The following ADARB2 variants were observed in gnomAD, a reference collection of about 807,000 sequenced individuals.
The protein encoded by ADARB2 is inactive double-stranded RNA-specific editase B2.
Under a neutral mutation model 62.2 loss-of-function variants are expected in ADARB2, and 25 were observed. The ratio of observed to expected loss-of-function variants is 0.40; its 90% CI spans 0.29 to 0.56. The LOEUF is 0.56. ADARB2 is among the 20% of genes least tolerant of loss of function. The pLI is 0.43. For missense variants in ADARB2, 1,071 were observed against 1,077.4 expected, an observed-to-expected ratio of 0.99 and a Z score of 0.08; for synonymous variants, 572 against 500.8, an observed-to-expected ratio of 1.14 and a Z score of -1.90.
intron 1 of ADARB2, among the ~76,000 whole-genome samples, chr10:1,547,272 T>C (rs1470278425): frequency 2.1e-5 from 1 of 46,832 alleles, no homozygotes; most frequent in Non-Finnish European, 4.3e-5. Flanking sequence ...GTATGCACTG[T>C]GGGGAGGGGG....
At chr10:1,331,878 T>C (rs748640865) in intron 3 of ADARB2, among the ~76,000 whole-genome samples, 1 of 152,218 alleles carries the variant, frequency 6.6e-6, no homozygotes, top group Non-Finnish European at 1.5e-5. Flanking sequence ...TCTGGACCCA[T>C]GTATTTGGAA....
intron 1 of ADARB2, among the ~76,000 whole-genome samples, chr10:1,514,161 G>A (rs993029173): frequency 1.5e-5 from 1 of 65,644 alleles, no homozygotes; most frequent in South Asian, 5.6e-4. Context: ...GGGTGACAGT[G>A]TGAGACGCTG....
intron 1 of ADARB2, chr10:1,556,560 C>T (rs1332771510): frequency 1.2e-5 from 5 of 405,386 alleles, no homozygotes; most frequent in Non-Finnish European, 2.6e-5. Flanking sequence ...GATTTCGACT[C>T]CATGGTCTGG....
intron 6 of ADARB2, among the ~76,000 whole-genome samples, chr10:1,221,745 A>G (rs12767676): frequency 0.34 from 51,581 of 151,860 alleles, 8,972 homozygotes; most frequent in South Asian, 0.47. Context: ...AAGGACATGA[A>G]CTCATCTTTT....
At chr10:1,324,884 C>T (rs2651490) in intron 3 of ADARB2, among the ~76,000 whole-genome samples, 70,724 of 151,930 alleles carry the variant, frequency 0.47, 17,360 homozygotes, top group African/African-American at 0.63. Flanking sequence ...ACTGGGGAAA[C>T]GTGAGCGAGC....
At chr10:1,280,959 C>T (rs909055989) in intron 3 of ADARB2, among the ~76,000 whole-genome samples, 5 of 152,312 alleles carry the variant, frequency 3.3e-5, no homozygotes, top group African/African-American at 7.2e-5. Flanking sequence ...ATTTATAGTG[C>T]GCCACTGGCT....
intron 1 of ADARB2, among the ~76,000 whole-genome samples, chr10:1,544,018 CAA>C (rs777877743): frequency 0.41 from 43,662 of 107,554 alleles, 7,627 homozygotes; most frequent in South Asian, 0.46. Context: ...AAAAAACAAA[CAA>C]AAAAAAAAAC....
chr10:1,566,110 A>T (rs1259726554), intron 1 of ADARB2, among the ~76,000 whole-genome samples: 1 of 128,514 alleles, frequency 7.8e-6, no homozygotes, highest in Non-Finnish European at 1.7e-5. Flanking sequence ...AAAAAAAAAA[A>T]CTCCCCTGTG....
intron 1 of ADARB2, among the ~76,000 whole-genome samples, chr10:1,552,926 T>TTTGC (rs1170231806): frequency 6.6e-6 from 1 of 152,238 alleles, no homozygotes; most frequent in Non-Finnish European, 1.5e-5. Flanking sequence ...AATTAATTCG[T>TTTGC]TTAGTCACTC....
intron 1 of ADARB2, among the ~76,000 whole-genome samples, chr10:1,499,679 G>A (rs1831740154): frequency 6.7e-6 from 1 of 150,314 alleles, no homozygotes; most frequent in Non-Finnish European, 1.5e-5. Flanking sequence ...TCACCCATTA[G>A]CCATCATTCA....
intron 1 of ADARB2, among the ~76,000 whole-genome samples, chr10:1,461,066 A>G (rs1403196277): frequency 6.6e-6 from 1 of 152,264 alleles, no homozygotes; most frequent in African/African-American, 2.4e-5. Flanking sequence ...TTGTCTACTC[A>G]GATGAGAAAA....
chr10:1,559,720 C>T (rs1202773209), intron 1 of ADARB2, among the ~76,000 whole-genome samples: 1 of 152,206 alleles, frequency 6.6e-6, no homozygotes, highest in African/African-American at 2.4e-5. Flanking sequence ...CCTCGGTTGA[C>T]TGATGATTTT....
At chr10:1,256,673 A>G (rs1459812317) in intron 4 of ADARB2, among the ~76,000 whole-genome samples, 2 of 152,238 alleles carry the variant, frequency 1.3e-5, no homozygotes, top group Admixed American at 6.5e-5. Flanking sequence ...CAACACTGCA[A>G]GGGTTTCACT....
rs534621445 is a variant in ADARB2 at position 1,435,968 on chromosome 10, T to C, written c.101-56808A>G. Among the ~76,000 whole-genome samples the C allele has an allele frequency of 3.3e-5, 5 of 152,358 alleles. 1 individual carries two copies. The South Asian group carries it at 1.0e-3, about 32-fold the overall frequency. On this transcript the variant is annotated intron_variant, in intron 1 of 9. Transcript: ENST00000381312. ...CACCACCTTTCTGTTCTTGACAATG[T>C]TTGTCTTCTTAACTAAACAAACGTT...
intron 1 of ADARB2, among the ~76,000 whole-genome samples, chr10:1,413,698 G>A (rs1564283433): frequency 6.6e-6 from 1 of 152,108 alleles, no homozygotes; most frequent in Admixed American, 6.6e-5. Flanking sequence ...TCTGCCCAGC[G>A]ACCTCTCAGC....
intron 1 of ADARB2, among the ~76,000 whole-genome samples, chr10:1,401,391 G>A (rs1383424401): frequency 1.3e-5 from 2 of 152,214 alleles, no homozygotes; most frequent in Non-Finnish European, 2.9e-5. Flanking sequence ...TCCTCTCCCT[G>A]TCAGAGAAGA....
At chr10:1,306,290 G>C (rs1042271349) in intron 3 of ADARB2, among the ~76,000 whole-genome samples, 20 of 151,832 alleles carry the variant, frequency 1.3e-4, no homozygotes, top group African/African-American at 4.8e-4. Context: ...GCCAAATCAT[G>C]AGTGAACTCC....
Position 1,183,338 on chromosome 10 carries a change from G to T in ADARB2, c.2075C>A (p.Thr692Lys). 6.2e-7 allele frequency: 1 copy of T among 1,614,144 alleles called. No individual in the cohort carries two copies. The highest frequency in any genetic ancestry group is 8.5e-7 in the Non-Finnish European group (1 of 1,180,004). Residue 692 changes from threonine to lysine, a missense_variant, in exon 10 of 10, where the codon ACG becomes AAG. Coordinates refer to ENST00000381312, the MANE Select transcript of ADARB2 (RefSeq NM_018702.4). ...LSTRTPSPGD[T>K]PSMYCEAKLG... is the part of the protein sequence containing the mutation. ...CTTGGCCTCACAGTACATGGAGGGC[G>T]TGTCTCCAGGGCTGGGTGTCCGTGT...
At position 1,183,330 on chromosome 10, in the gene ADARB2, T is replaced by C. The variant is rs1173253844; in HGVS notation, c.2083A>G (p.Met695Val). 6 of 1,614,038 alleles carry C rather than the reference T, an allele frequency of 3.7e-6. No individual in the cohort carries two copies. Among genetic ancestry groups the C allele is most frequent in the South Asian group, 3.3e-5 (3 of 91,086 alleles). ...GCCCCCAGCTTGGCCTCACAGTACATGGAGGGCGTGTCTCCAGGGCTGGGT... is the reference window on the plus strand; with the variant it reads ...GCCCCCAGCTTGGCCTCACAGTACACGGAGGGCGTGTCTCCAGGGCTGGGT... ...RTPSPGDTPS[M>V]YCEAKLGAHT... is the part of the protein sequence containing the mutation. The change falls in exon 10 of 10, where the codon ATG becomes GTG. Residue 695 changes from methionine (M) to valine (V), a missense_variant. Coordinates refer to ENST00000381312, the MANE Select transcript of ADARB2 (RefSeq NM_018702.4).
Sources: allele counts gnomAD v4.1 joint callset (sites outside exome capture counted in the v4.1 genomes callset), GRCh38; gene constraint gnomAD v4.1.1; transcripts MANE v1.5; gene names NCBI Gene and HGNC (gene_info 2026-07-23, HGNC 2026-07-21).